DLG2: variants seen among roughly 807,000 people sequenced by gnomAD.
DLG2 encodes disks large homolog 2.
A neutral mutation model predicts 132.5 loss-of-function variants in DLG2; 45 were observed. The observed-to-expected ratio is 0.34, with a 90% confidence interval of 0.27 to 0.44. The LOEUF is 0.44. DLG2 is among the 20% of genes least tolerant of loss of function. The pLI, the probability that DLG2 is intolerant of heterozygous loss-of-function variation, is 1.00. For synonymous variants in DLG2, 424 were observed against 419.6 expected (o/e 1.01, Z -0.13); for missense variants, 1,045 against 1,196.9 (o/e 0.87, Z 1.87).
intron 16 of DLG2, among the ~76,000 whole-genome samples, chr11:83,848,125 T>A (rs1381734204): frequency 3.0e-5 from 1 of 33,284 alleles, no homozygotes; most frequent in Non-Finnish European, 9.8e-5. Context: ...CCCCCACACC[T>A]TTTTTTTTTT....
chr11:84,735,121 A>G (rs1310353926), intron 6 of DLG2, among the ~76,000 whole-genome samples: 2 of 152,068 alleles, frequency 1.3e-5, no homozygotes, highest in African/African-American at 4.8e-5. Flanking sequence ...TGTCTCTGCC[A>G]TGCTTTGGTA....
intron 15 of DLG2, among the ~76,000 whole-genome samples, chr11:83,893,450 T>G (rs957258189): frequency 6.6e-6 from 1 of 152,196 alleles, no homozygotes; most frequent in Non-Finnish European, 1.5e-5. Context: ...TCTCAGATAT[T>G]TTCGCTAGTT....
chr11:85,401,512 T>C lies in DLG2; in HGVS notation c.41-116147A>G, dbSNP rs1041976891. 3.3e-5 allele frequency among the ~76,000 whole-genome samples: 5 copies of C among 152,098 alleles called. No individual in the cohort carries two copies. In the South Asian group the frequency reaches 1.0e-3, roughly 32 times the overall value. On this transcript the variant is annotated intron_variant, in intron 3 of 27. Transcript: ENST00000376104. ...AGGGCAATCAGGCAGAAGAAAGAAA[T>C]AAAGGGTATTCAATTAGGAAAAGAG...
chr11:85,412,756 C>CATATATAT (rs2089446165), intron 3 of DLG2, among the ~76,000 whole-genome samples: 1 of 123,368 alleles, frequency 8.1e-6, no homozygotes, highest in African/African-American at 3.4e-5. Context: ...CACACACACA[C>CATATATAT]ACACATATAT....
chr11:84,815,012 T>C (rs1039938915), intron 6 of DLG2, among the ~76,000 whole-genome samples: 2 of 151,944 alleles, frequency 1.3e-5, no homozygotes, highest in Non-Finnish European at 2.9e-5. Flanking sequence ...AAGAGAAGGC[T>C]TTGGAAGAGG....
chr11:83,866,158 C>T (rs927540867), intron 16 of DLG2, among the ~76,000 whole-genome samples: 1 of 152,012 alleles, frequency 6.6e-6, no homozygotes, highest in African/African-American at 2.4e-5. Context: ...ATTTTCTCCC[C>T]CAGACTGAGG....
chr11:84,617,882 A>G (rs2099607282), intron 6 of DLG2, among the ~76,000 whole-genome samples: 1 of 152,134 alleles, frequency 6.6e-6, no homozygotes. Flanking sequence ...CTTTGCCCTA[A>G]GAGTCTGATT....
At chr11:84,152,621 C>T (rs925631650) in intron 9 of DLG2, among the ~76,000 whole-genome samples, 2 of 152,016 alleles carry the variant, frequency 1.3e-5, no homozygotes, top group African/African-American at 2.4e-5. Context: ...CTCCTGACCT[C>T]GTGATCTGCC....
At chr11:85,394,210 A>C (rs867068287) in intron 3 of DLG2, among the ~76,000 whole-genome samples, 3 of 152,332 alleles carry the variant, frequency 2.0e-5, no homozygotes, top group African/African-American at 7.2e-5. Context: ...AAAACAAATG[A>C]GGTAATATAT....
At position 84,748,291 on chromosome 11, in the gene DLG2, A is replaced by T. The variant is rs138875358; in HGVS notation, c.358-213560T>A. On this transcript the variant is annotated intron_variant, in intron 6 of 27. Transcript: ENST00000376104. ...TTCACTGAGACCTTCTGAATAACAG[A>T]CATTAATGAACCAGAAATGAGGAAG... Among the ~76,000 whole-genome samples the T allele has an allele frequency of 5.7e-3, 865 of 152,336 alleles. 5 individuals carry two copies. The highest frequency in any genetic ancestry group is 0.02 in the South Asian group (95 of 4,832).
chr11:84,957,533 T>C (rs1039915968), intron 6 of DLG2, among the ~76,000 whole-genome samples: 6 of 152,192 alleles, frequency 3.9e-5, no homozygotes, highest in Non-Finnish European at 5.9e-5. Context: ...GCCAGTTCTT[T>C]TGAGGCCTAA....
intron 6 of DLG2, among the ~76,000 whole-genome samples, chr11:84,934,502 GTGTTTTTTTTT>G (rs2048455513): frequency 1.5e-5 from 1 of 65,720 alleles, no homozygotes; most frequent in African/African-American, 8.1e-5. Flanking sequence ...ATGGTCCTGG[GTGTTTTTTTTT>G]TGTTTTGTTT....
chr11:84,094,039 T>C (rs2097134261), intron 10 of DLG2, among the ~76,000 whole-genome samples: 1 of 152,122 alleles, frequency 6.6e-6, no homozygotes, highest in African/African-American at 2.4e-5. Flanking sequence ...GTTACATATG[T>C]ATACATGTGC....
chr11:83,889,599 C>G (rs551559583), intron 15 of DLG2, among the ~76,000 whole-genome samples: 89 of 152,208 alleles, frequency 5.8e-4, no homozygotes, highest in Non-Finnish European at 1.1e-3. Flanking sequence ...CCCAGCCATC[C>G]CATTACTGGG....
intron 7 of DLG2, among the ~76,000 whole-genome samples, chr11:84,470,058 C>A (rs1208524555): frequency 6.6e-6 from 1 of 151,670 alleles, no homozygotes; most frequent in African/African-American, 2.4e-5. Context: ...TGTGTCTAAA[C>A]ATATCTAAAC....
At chr11:83,669,756 A>C (rs532164380) in intron 18 of DLG2, among the ~76,000 whole-genome samples, 1 of 152,236 alleles carries the variant, frequency 6.6e-6, no homozygotes, top group African/African-American at 2.4e-5. Flanking sequence ...ACAAACAAAC[A>C]TGAAAAGCTA....
At chr11:85,343,089 T>C (rs934626015) in intron 3 of DLG2, among the ~76,000 whole-genome samples, 12 of 152,236 alleles carry the variant, frequency 7.9e-5, no homozygotes, top group Admixed American at 2.6e-4. Flanking sequence ...ATTCCTCTAA[T>C]ATACAGTCTA....
chr11:84,680,952 T>C (rs574205964), intron 6 of DLG2, among the ~76,000 whole-genome samples: 121 of 152,292 alleles, frequency 7.9e-4, no homozygotes, highest in African/African-American at 2.8e-3. Context: ...CCCTCATTAA[T>C]TTACTCAACA....
At chr11:83,582,372 T>C (rs746697411) in intron 19 of DLG2, among the ~76,000 whole-genome samples, 9 of 152,202 alleles carry the variant, frequency 5.9e-5, no homozygotes, top group Non-Finnish European at 1.2e-4. Flanking sequence ...TCTAGACTTT[T>C]CCAATTCAAG....
Sources: allele counts gnomAD v4.1 joint callset (sites outside exome capture counted in the v4.1 genomes callset), GRCh38; gene constraint gnomAD v4.1.1; transcripts MANE v1.5; gene names NCBI Gene and HGNC (gene_info 2026-07-23, HGNC 2026-07-21).